Variants in CCNB3 observed in about 807,000 individuals in gnomAD.
The protein encoded by CCNB3 is G2/mitotic-specific cyclin-B3.
CCNB3 carries 12 observed loss-of-function variants against 68.0 expected under a neutral mutation model. The ratio of observed to expected loss-of-function variants is 0.18; its 90% CI spans 0.11 to 0.29. CCNB3 has a LOEUF of 0.29. Among genes scored for constraint, CCNB3 ranks in the 10% least tolerant of loss-of-function variants. CCNB3 has a pLI of 1.00. For missense variants in CCNB3, 904 were observed against 993.1 expected (o/e 0.91, Z 1.21); for synonymous variants, 354 against 388.9 (o/e 0.91, Z 1.06).
At chrX:50,227,800 GA>G (rs1386442889) in intron 1 of CCNB3, among the ~76,000 whole-genome samples, 1 of 77,221 alleles carries the variant, frequency 1.3e-5, no homozygotes. Context: ...TATATATAGA[GA>G]ATAAATATAA....
At chrX:50,280,347 C>G (rs1936115136) in intron 1 of CCNB3, among the ~76,000 whole-genome samples, 1 of 101,144 alleles carries the variant, frequency 9.9e-6, no homozygotes, top group Admixed American at 1.2e-4. Flanking sequence ...ATTCTAGTTC[C>G]TGGCACAAAT....
chrX:50,299,014 C>G (rs1478320738), intron 5 of CCNB3, among the ~76,000 whole-genome samples: 2 of 111,199 alleles, frequency 1.8e-5, no homozygotes, highest in African/African-American at 6.5e-5. Context: ...CTATTTGATT[C>G]TTCTCTGTTT....
At chrX:50,302,891 T>C in intron 5 of CCNB3, among the ~76,000 whole-genome samples, 1 of 112,086 alleles carries the variant, frequency 8.9e-6, no homozygotes, top group Non-Finnish European at 1.9e-5. Flanking sequence ...TTCTACCTTT[T>C]GGTTATTGTG....
chrX:50,339,579 G>T (rs1923022221), intron 8 of CCNB3, among the ~76,000 whole-genome samples: 2 of 111,658 alleles, frequency 1.8e-5, no homozygotes, highest in Admixed American at 1.9e-4. Flanking sequence ...TGGGAGGATT[G>T]CTTGGGGCCA....
chrX:50,311,366 C>G lies in CCNB3; in HGVS notation c.3197C>G (p.Ser1066Cys). 8.3e-7 allele frequency: 1 copy of G among 1,210,976 alleles called. No individual in the cohort carries two copies. The highest frequency in any genetic ancestry group is 2.2e-5 in the Admixed American group (1 of 45,935). Residue 1066 changes from serine (S) to cysteine (C), a missense_variant, in exon 6 of 13, where the codon TCC (serine) becomes TGC (cysteine). Physicochemically the swap from Ser to Cys is moderately radical, Grantham distance 112. This residue lies in a region of CCNB3 where 285 missense variants were observed against 383.4 expected (regional missense o/e 0.74). Coordinates refer to ENST00000376042, the MANE Select transcript of CCNB3 (RefSeq NM_033031.3). ...TATGTGTTTAGCACCACCCCTGAATCCATAACAGAGAAGTCCAGCATTGCA... is the reference window on the plus strand; with the variant it reads ...TATGTGTTTAGCACCACCCCTGAATGCATAACAGAGAAGTCCAGCATTGCA... The part of the protein sequence containing the change: ...SPYVFSTTPE[S>C]ITEKSSIATM...
At chrX:50,290,947 T>C (rs1297036023) in intron 4 of CCNB3, among the ~76,000 whole-genome samples, 1 of 111,974 alleles carries the variant, frequency 8.9e-6, no homozygotes. Flanking sequence ...TGCAGATATC[T>C]GAGCTCATCT....
intron 1 of CCNB3, among the ~76,000 whole-genome samples, chrX:50,227,834 T>A (rs1208204233): frequency 3.6e-5 from 3 of 84,415 alleles, no homozygotes; most frequent in Non-Finnish European, 6.5e-5. Flanking sequence ...TATATAAATA[T>A]ATATAGAGAA....
chrX:50,322,581 T>A (rs1557216699), intron 8 of CCNB3, among the ~76,000 whole-genome samples: 1 of 111,622 alleles, frequency 9.0e-6, no homozygotes, highest in Non-Finnish European at 1.9e-5. Context: ...TGGGATCTAA[T>A]TAAACTAAAG....
chrX:50,221,645 T>C (rs1360467179), intron 1 of CCNB3, among the ~76,000 whole-genome samples: 2 of 111,546 alleles, frequency 1.8e-5, no homozygotes, highest in African/African-American at 6.5e-5. Context: ...CGGACTGTTA[T>C]GATTTCCGTT....
intron 1 of CCNB3, among the ~76,000 whole-genome samples, chrX:50,227,696 T>G (rs1183067114): frequency 0.014 from 1,255 of 92,786 alleles, 15 homozygotes; most frequent in Middle Eastern, 0.05. Context: ...TAAATATATA[T>G]AGAGAGAATA....
At chrX:50,346,936 C>T in intron 10 of CCNB3, 129 bp downstream of exon 10, 1 of 680,348 alleles carries the variant, frequency 1.5e-6, no homozygotes, top group Non-Finnish European at 2.1e-6. Flanking sequence ...CTCCTTCCAT[C>T]CAATCTCCTA....
chrX:50,321,714 AT>A (rs1922027066), intron 8 of CCNB3, among the ~76,000 whole-genome samples: 1 of 111,096 alleles, frequency 9.0e-6, no homozygotes, highest in Non-Finnish European at 1.9e-5. Flanking sequence ...TTTGTAATAC[AT>A]TTATTGCCTC....
In CCNB3 at chrX:50,309,341, C is replaced by T. The variant is rs781966723; in HGVS notation, c.1172C>T (p.Thr391Ile). ...GTAATATTGAAGGAGCAGTGCATGA[C>T]TGAGGGGAAGAGGTCCCGTCTGAAG... is the stretch of plus-strand genomic sequence containing the variant. ...MPVILKEQCMTEGKRSRLKPL... is the reference protein window; with the variant it reads ...MPVILKEQCMIEGKRSRLKPL... The change falls in exon 6 of 13, where the codon ACT becomes ATT. Residue 391 changes from threonine (T) to isoleucine (I), a missense_variant. By Grantham distance (89) the Thr-to-Ile change is moderately conservative. Coordinates refer to ENST00000376042, the MANE Select transcript of CCNB3 (RefSeq NM_033031.3). The T allele has an allele frequency of 9.1e-6, 11 of 1,209,345 alleles. No homozygotes were observed. The African/African-American group carries it at 1.9e-4, about 21-fold the overall frequency.
At chrX:50,226,623 A>T (rs1198779830) in intron 1 of CCNB3, among the ~76,000 whole-genome samples, 3 of 81,593 alleles carry the variant, frequency 3.7e-5, no homozygotes, top group Non-Finnish European at 6.5e-5. Flanking sequence ...ATATATATAT[A>T]GAATATATCT....
At chrX:50,280,739 G>C (rs1936122741) in intron 1 of CCNB3, among the ~76,000 whole-genome samples, 1 of 110,141 alleles carries the variant, frequency 9.1e-6, no homozygotes, top group Non-Finnish European at 1.9e-5. Context: ...CTCTGGCAAG[G>C]TTATTTAAAT....
chrX:50,303,314 T>G (rs1260301290), intron 5 of CCNB3, among the ~76,000 whole-genome samples: 1 of 110,466 alleles, frequency 9.1e-6, no homozygotes, highest in African/African-American at 3.3e-5. Context: ...TCCGGCTAAT[T>G]TTTATATTTT....
chrX:50,226,384 A>G (rs1935800124), intron 1 of CCNB3, among the ~76,000 whole-genome samples: 1 of 62,019 alleles, frequency 1.6e-5, no homozygotes, highest in Non-Finnish European at 2.6e-5. Flanking sequence ...AAAAATATAT[A>G]TATAGAATAT....
Position 50,313,168 on chromosome X carries a change from A to T in CCNB3, c.3423+536A>T, listed in dbSNP as rs782377411. On this transcript the variant is annotated intron_variant, in intron 7 of 12. Transcript: ENST00000376042. ...TTACCACTAATATTCATCAATTCCA[A>T]AGTTTCTTCTAACTCTCTCAACAGA... Among the ~76,000 whole-genome samples, 14 of 110,884 alleles carry T rather than the reference A, an allele frequency of 1.3e-4. No individual in the cohort carries two copies. The East Asian group carries it at 1.4e-3, about 11-fold the overall frequency.
chrX:50,300,770 G>C (rs1208002128), intron 5 of CCNB3, among the ~76,000 whole-genome samples: 5 of 111,926 alleles, frequency 4.5e-5, no homozygotes, highest in East Asian at 5.6e-4. Flanking sequence ...TTCAGGTACA[G>C]CAATTAGGCG....
Sources: allele counts gnomAD v4.1 joint callset (sites outside exome capture counted in the v4.1 genomes callset), GRCh38; gene constraint gnomAD v4.1.1; regional missense constraint gnomAD v4.1.1; transcripts MANE v1.5; gene names NCBI Gene and HGNC (gene_info 2026-07-23, HGNC 2026-07-21).